Variants in NDST4 observed in about 807,000 individuals in gnomAD.
The protein encoded by NDST4 is N-deacetylase and N-sulfotransferase 4, also known as N-heparan sulfate sulfotransferase 4.
NDST4 carries 63 observed loss-of-function variants against 100.8 expected under a neutral mutation model. The observed-to-expected ratio is 0.62, with a 90% confidence interval of 0.51 to 0.77. The LOEUF (loss-of-function observed/expected upper bound fraction) is 0.77. Ranked by LOEUF, NDST4 falls within the 30% of genes least tolerant of loss-of-function variation. The probability of loss-of-function intolerance (pLI) is 0.00; values close to 1 mark genes in which losing one functional copy is unlikely to be tolerated. For synonymous variants in NDST4, 377 were observed against 361.8 expected (o/e 1.04, Z -0.48); for missense variants, 943 against 1,018.4 (o/e 0.93, Z 1.01).
At chr4:115,094,819 C>G (rs928071745) in intron 1 of NDST4, among the ~76,000 whole-genome samples, 1 of 152,108 alleles carries the variant, frequency 6.6e-6, no homozygotes, top group African/African-American at 2.4e-5. Flanking sequence ...GAAGAGAGAT[C>G]TGGAACAGAT....
intron 6 of NDST4, among the ~76,000 whole-genome samples, chr4:114,912,101 A>G (rs974323511): frequency 1.3e-5 from 2 of 152,162 alleles, no homozygotes; most frequent in Non-Finnish European, 2.9e-5. Flanking sequence ...TTCCTGTTTC[A>G]TAAGACTCTA....
At chr4:115,071,465 T>C (rs1729077030) in intron 2 of NDST4, among the ~76,000 whole-genome samples, 1 of 152,190 alleles carries the variant, frequency 6.6e-6, no homozygotes, top group Non-Finnish European at 1.5e-5. Context: ...ACACTCTTGC[T>C]TTCCTTAATT....
chr4:115,098,537 G>A (rs1729665478), intron 1 of NDST4, among the ~76,000 whole-genome samples: 1 of 152,016 alleles, frequency 6.6e-6, no homozygotes, highest in African/African-American at 2.4e-5. Flanking sequence ...AATATTAAAG[G>A]AGAATAACAA....
At chr4:114,948,632 G>A (rs1217520952) in intron 4 of NDST4, among the ~76,000 whole-genome samples, 1 of 151,974 alleles carries the variant, frequency 6.6e-6, no homozygotes, top group Non-Finnish European at 1.5e-5. Flanking sequence ...CATCAATACA[G>A]TTCTCATCCC....
intron 1 of NDST4, among the ~76,000 whole-genome samples, chr4:115,113,050 T>C (rs1040916083): frequency 1.3e-5 from 2 of 151,952 alleles, no homozygotes; most frequent in African/African-American, 4.8e-5. Flanking sequence ...GTAACACTTA[T>C]TAGGGAAACA....
chr4:114,874,304 A>C (rs954203155), intron 6 of NDST4, among the ~76,000 whole-genome samples: 2 of 152,140 alleles, frequency 1.3e-5, no homozygotes, highest in African/African-American at 4.8e-5. Context: ...GAACATTCTT[A>C]GGAGGATAAG....
At chr4:114,831,566 A>G (rs984265941) in intron 12 of NDST4, among the ~76,000 whole-genome samples, 10 of 152,222 alleles carry the variant, frequency 6.6e-5, no homozygotes, top group Non-Finnish European at 1.3e-4. Flanking sequence ...ACATATTTAT[A>G]CACATGCTGA....
In NDST4 at chr4:115,076,541, T is replaced by C; in HGVS notation, c.496A>G (p.Lys166Glu). 1 of 1,614,022 alleles carries C rather than the reference T, an allele frequency of 6.2e-7. No individual in the cohort carries two copies. Among genetic ancestry groups the C allele is most frequent in the African/African-American group, 1.3e-5 (1 of 75,054 alleles). ...EYSVSIIGFH[K>E]ANENSLPSTQ... Reference sequence around the variant, plus strand: ...CTTGGTAAGCTGTTCTCATTGGCTTTATGAAAACCGATTATACTAACACTG... The same window carrying C: ...CTTGGTAAGCTGTTCTCATTGGCTTCATGAAAACCGATTATACTAACACTG... The change falls in exon 2 of 14, where the codon AAA (lysine) becomes GAA (glutamate). Residue 166 changes from lysine to glutamate, a missense_variant. By Grantham distance (56) the Lys-to-Glu change is moderately conservative. This residue lies in a region of NDST4 where 417 missense variants were observed against 384.2 expected (regional missense o/e 1.09). Transcript: ENST00000264363.
intron 4 of NDST4, among the ~76,000 whole-genome samples, chr4:114,945,227 A>AAAAAAAAAAC (rs1725836352): frequency 6.6e-6 from 1 of 150,748 alleles, no homozygotes; most frequent in Non-Finnish European, 1.5e-5. Context: ...AAAAAAAAAA[A>AAAAAAAAAAC]AAAAAAGACA....
At chr4:114,966,307 G>A (rs541757974) in intron 4 of NDST4, among the ~76,000 whole-genome samples, 2 of 152,056 alleles carry the variant, frequency 1.3e-5, no homozygotes, top group South Asian at 4.1e-4. Context: ...TGTGTGTATG[G>A]ATGAAGCAAT....
At chr4:114,908,833 G>T (rs1337356437) in intron 6 of NDST4, among the ~76,000 whole-genome samples, 3 of 152,030 alleles carry the variant, frequency 2.0e-5, no homozygotes, top group Non-Finnish European at 2.9e-5. Context: ...TATTCTAAAA[G>T]AATTTTGATT....
intron 1 of NDST4, among the ~76,000 whole-genome samples, chr4:115,102,811 C>T (rs939939362): frequency 3.6e-5 from 5 of 139,916 alleles, no homozygotes; most frequent in Admixed American, 2.4e-4. Flanking sequence ...CGGGTTCAAG[C>T]GATTCTTTTG....
intron 2 of NDST4, among the ~76,000 whole-genome samples, chr4:115,057,745 C>G (rs1214744843): frequency 6.6e-6 from 1 of 150,396 alleles, no homozygotes; most frequent in Admixed American, 6.6e-5. Flanking sequence ...GACACACACA[C>G]ACACACACAC....
At chr4:114,901,148 G>A (rs1275485495) in intron 6 of NDST4, among the ~76,000 whole-genome samples, 1 of 151,746 alleles carries the variant, frequency 6.6e-6, no homozygotes, top group Non-Finnish European at 1.5e-5. Flanking sequence ...TCCTATAGAT[G>A]TCCATTATAT....
At chr4:114,842,685 C>T (rs1264513844) in intron 10 of NDST4, 1 of 215,078 alleles carries the variant, frequency 4.6e-6, no homozygotes, top group Non-Finnish European at 8.8e-6. Flanking sequence ...CCTGTAGTCC[C>T]AGCTACTCAG....
chr4:114,862,016 C>A (rs1723928815), intron 7 of NDST4, among the ~76,000 whole-genome samples: 1 of 152,038 alleles, frequency 6.6e-6, no homozygotes, highest in African/African-American at 2.4e-5. Flanking sequence ...AATAGTAATT[C>A]TATGTCAACT....
intron 2 of NDST4, among the ~76,000 whole-genome samples, chr4:114,986,960 T>C: frequency 6.6e-6 from 1 of 151,450 alleles, no homozygotes; most frequent in Non-Finnish European, 1.5e-5. Context: ...GGCATAATTA[T>C]TTCCTTAAAA....
intron 6 of NDST4, among the ~76,000 whole-genome samples, chr4:114,919,155 TG>T (rs1725238630): frequency 6.6e-6 from 1 of 152,152 alleles, no homozygotes; most frequent in South Asian, 2.1e-4. Flanking sequence ...CAACATACAG[TG>T]GTTAAAATTC....
At chr4:115,003,648 A>G (rs145742198) in intron 2 of NDST4, among the ~76,000 whole-genome samples, 45 of 152,218 alleles carry the variant, frequency 3.0e-4, no homozygotes, top group African/African-American at 9.4e-4. Context: ...CAGACAAATC[A>G]TGAGGTCAGG....
Sources: gnomAD v4.1 joint callset for allele counts (sites outside exome capture counted in the v4.1 genomes callset) on GRCh38, gnomAD v4.1.1 for gene constraint, gnomAD v4.1.1 regional missense constraint, MANE v1.5 for transcripts, NCBI Gene and HGNC (gene_info 2026-07-23, HGNC 2026-07-21) for gene names.